The following HDAC9 variants were observed in gnomAD, a reference collection of about 807,000 sequenced individuals.
HDAC9 encodes MEF-2 interacting transcription repressor (MITR) protein.
In HDAC9, 41 loss-of-function variants were observed where a neutral mutation model predicts 139.4. The observed-to-expected ratio is 0.29, with a 90% CI of 0.23 to 0.38. The LOEUF (loss-of-function observed/expected upper bound fraction) is 0.38. HDAC9 is among the 10% of genes least tolerant of loss of function. The probability of loss-of-function intolerance (pLI) is 1.00; values close to 1 mark genes in which losing one functional copy is unlikely to be tolerated. For missense variants in HDAC9, 1,147 were observed against 1,297.0 expected (o/e 0.88, Z 1.78); for synonymous variants, 517 against 476.2 (o/e 1.09, Z -1.12).
At chr7:18,468,752 G>A (rs10265752) in intron 1 of HDAC9, among the ~76,000 whole-genome samples, 6,052 of 152,236 alleles carry the variant, frequency 0.04, 186 homozygotes, top group East Asian at 0.12. Flanking sequence ...TGAATGAATG[G>A]GATCTGTAAA....
intron 2 of HDAC9, among the ~76,000 whole-genome samples, chr7:18,498,212 G>A (rs115307784): frequency 0.014 from 2,127 of 152,126 alleles, 31 homozygotes; most frequent in African/African-American, 0.039. Flanking sequence ...TTCCTGCCAT[G>A]CCATATATTT....
intron 11 of HDAC9, among the ~76,000 whole-genome samples, chr7:18,648,956 G>A (rs540283564): frequency 1.1e-4 from 16 of 152,266 alleles, no homozygotes; most frequent in African/African-American, 2.6e-4. Flanking sequence ...AAGCCCATAC[G>A]GGCATATGTA....
chr7:18,601,021 T>TA (rs1833802787), intron 6 of HDAC9, among the ~76,000 whole-genome samples: 1 of 152,068 alleles, frequency 6.6e-6, no homozygotes, highest in Non-Finnish European at 1.5e-5. Context: ...CCAAGTTACT[T>TA]ACTGGGACTT....
At chr7:18,297,288 A>T (rs1013969926) in intron 1 of HDAC9, among the ~76,000 whole-genome samples, 1 of 152,126 alleles carries the variant, frequency 6.6e-6, no homozygotes, top group African/African-American at 2.4e-5. Flanking sequence ...TTTTATGTCC[A>T]CGTATAGGCT....
chr7:18,625,887 C>A (rs549997581), intron 6 of HDAC9, among the ~76,000 whole-genome samples: 1 of 132,784 alleles, frequency 7.5e-6, no homozygotes, highest in East Asian at 2.2e-4. Flanking sequence ...GAGGTTGCAG[C>A]AGTGAGCCAA....
chr7:18,547,457 G>T (rs1815329377), intron 2 of HDAC9, among the ~76,000 whole-genome samples: 1 of 152,164 alleles, frequency 6.6e-6, no homozygotes, highest in South Asian at 2.1e-4. Context: ...GGACAGTCTT[G>T]ATCTCCTGAC....
intron 8 of HDAC9, among the ~76,000 whole-genome samples, chr7:18,639,742 G>A (rs1784986258): frequency 6.6e-6 from 1 of 151,992 alleles, no homozygotes; most frequent in Non-Finnish European, 1.5e-5. Flanking sequence ...TGGATTCAGG[G>A]ACTTGGGACC....
At chr7:18,233,701 C>T (rs1793626826) in intron 2 of HDAC9, among the ~76,000 whole-genome samples, 1 of 152,254 alleles carries the variant, frequency 6.6e-6, no homozygotes, top group Middle Eastern at 3.4e-3. Flanking sequence ...CACACACAGA[C>T]CTTCCTCCTT....
intron 24 of HDAC9, among the ~76,000 whole-genome samples, chr7:18,970,782 A>G (rs1784194730): frequency 6.6e-6 from 1 of 151,020 alleles, no homozygotes; most frequent in South Asian, 2.1e-4. Flanking sequence ...TAAAGATGAA[A>G]GGCAACATCA....
intron 12 of HDAC9, among the ~76,000 whole-genome samples, chr7:18,716,499 G>C (rs17139758): frequency 0.061 from 9,286 of 152,070 alleles, 924 homozygotes; most frequent in African/African-American, 0.21. Context: ...TTCCAAGAAT[G>C]CTTCAAGGCA....
chr7:18,764,716 T>A (rs958451066), intron 15 of HDAC9, among the ~76,000 whole-genome samples: 1 of 152,160 alleles, frequency 6.6e-6, no homozygotes, highest in Non-Finnish European at 1.5e-5. Context: ...AGATGTTTTC[T>A]CTCTTTTTAT....
intron 2 of HDAC9, among the ~76,000 whole-genome samples, chr7:18,262,424 C>G (rs1402102492): frequency 6.6e-6 from 1 of 152,126 alleles, no homozygotes; most frequent in Non-Finnish European, 1.5e-5. Flanking sequence ...TAAGGCATTT[C>G]CAGATAAACA....
In HDAC9 at chr7:18,420,177, C is replaced by T. The variant is rs924883820; in HGVS notation, c.-41-76085C>T. Among the ~76,000 whole-genome samples the T allele has an allele frequency of 4.0e-4, 61 of 152,164 alleles. 2 individuals carry two copies. The highest frequency in any genetic ancestry group is 1.6e-4 in the Non-Finnish European group (11 of 68,026). On this transcript the variant is annotated intron_variant, in intron 1 of 3. Transcript: ENST00000413509. ...TGTCTTCCTAAATGTAGTTTTCCTG[C>T]ACTTGGGACAAGCGTACTATCTGAT...
chr7:18,188,686 A>G (rs1281767845), intron 2 of HDAC9, among the ~76,000 whole-genome samples: 2 of 152,238 alleles, frequency 1.3e-5, no homozygotes, highest in Admixed American at 6.5e-5. Context: ...GGCAAAGGAT[A>G]TGAACAGACG....
intron 1 of HDAC9, among the ~76,000 whole-genome samples, chr7:18,157,714 G>A (rs1313743930): frequency 6.6e-6 from 1 of 151,852 alleles, no homozygotes; most frequent in Admixed American, 6.6e-5. Context: ...TGCTCAGTAA[G>A]GGTTGTTGAA....
intron 2 of HDAC9, among the ~76,000 whole-genome samples, chr7:18,550,465 T>C (rs991013531): frequency 6.6e-6 from 1 of 152,198 alleles, no homozygotes; most frequent in Admixed American, 6.5e-5. Context: ...AAAAAATTGC[T>C]GCTCTTCTAA....
intron 12 of HDAC9, 73 bp downstream of exon 12, chr7:18,666,549 T>C: frequency 6.5e-7 from 1 of 1,548,252 alleles, no homozygotes; most frequent in Non-Finnish European, 8.7e-7. Flanking sequence ...ATTGCAGGTT[T>C]GGTAAATGGA....
chr7:18,780,557 C>A (rs1168716318), intron 16 of HDAC9, among the ~76,000 whole-genome samples: 1 of 151,936 alleles, frequency 6.6e-6, no homozygotes, highest in African/African-American at 2.4e-5. Flanking sequence ...AGGAAGCACC[C>A]AATGCTGGCA....
intron 2 of HDAC9, among the ~76,000 whole-genome samples, chr7:18,583,730 G>T (rs1469757675): frequency 1.3e-5 from 2 of 152,100 alleles, no homozygotes; most frequent in African/African-American, 4.8e-5. Context: ...CTACAGCCTG[G>T]ACGAAAAAGT....
Sources: allele counts gnomAD v4.1 joint callset (sites outside exome capture counted in the v4.1 genomes callset), GRCh38; gene constraint gnomAD v4.1.1; transcripts MANE v1.5; gene names NCBI Gene and HGNC (gene_info 2026-07-23, HGNC 2026-07-21).